Variants in CFAP299 observed in about 807,000 individuals in gnomAD.
The protein encoded by CFAP299 is cilia and flagella associated protein 299, also known as cilia- and flagella-associated protein 299.
CFAP299 carries 21 observed loss-of-function variants against 27.0 expected under a neutral mutation model. The ratio of observed to expected loss-of-function variants is 0.78; its 90% CI spans 0.55 to 1.12. The LOEUF (loss-of-function observed/expected upper bound fraction) is 1.12, where lower values mean the gene tolerates loss of function less well. Among genes scored for constraint, CFAP299 ranks in the 50% most tolerant of loss-of-function variants. The pLI, the probability that CFAP299 is intolerant of heterozygous loss-of-function variation, is 0.00. For missense variants in CFAP299, 310 were observed against 276.6 expected (o/e 1.12, Z -0.86); for synonymous variants, 104 against 98.1 (o/e 1.06, Z -0.36).
chr4:80,732,146 A>G (rs1366786843), intron 3 of CFAP299, among the ~76,000 whole-genome samples: 1 of 152,052 alleles, frequency 6.6e-6, no homozygotes, highest in Non-Finnish European at 1.5e-5. Context: ...AAAAAAGACC[A>G]ATCTGATTGG....
At chr4:80,348,485 A>G (rs1430621328) in intron 1 of CFAP299, among the ~76,000 whole-genome samples, 1 of 152,232 alleles carries the variant, frequency 6.6e-6, no homozygotes, top group Non-Finnish European at 1.5e-5. Context: ...ACATGAACAA[A>G]CACTTCTCAA....
Position 80,409,809 on chromosome 4 carries a change from G to A in CFAP299, c.242+46925G>A, listed in dbSNP as rs145802077. On this transcript the variant is annotated intron_variant, in intron 2 of 5. Coordinates refer to ENST00000358105, the MANE Select transcript of CFAP299 (RefSeq NM_152770.3). Reference sequence around the variant, plus strand: ...GAGTACAAAGCAAGACGTAGAAAGAGCACTATATTTTTGGAAAAAAAGGGC... The same window carrying A: ...GAGTACAAAGCAAGACGTAGAAAGAACACTATATTTTTGGAAAAAAAGGGC... Among the ~76,000 whole-genome samples, 939 of 152,270 alleles carry A rather than the reference G, an allele frequency of 6.2e-3. 2 individuals carry two copies. The highest frequency in any genetic ancestry group is 0.024 in the Middle Eastern group (7 of 294).
At chr4:80,746,091 A>G (rs1179030578) in intron 3 of CFAP299, among the ~76,000 whole-genome samples, 2 of 152,040 alleles carry the variant, frequency 1.3e-5, no homozygotes, top group Non-Finnish European at 2.9e-5. Flanking sequence ...TAGATAGAGA[A>G]TTGGGAATAT....
chr4:80,479,767 G>A (rs1468738825), intron 2 of CFAP299, among the ~76,000 whole-genome samples: 1 of 151,838 alleles, frequency 6.6e-6, no homozygotes, highest in Non-Finnish European at 1.5e-5. Flanking sequence ...CATTACTTTT[G>A]TCCAAGAAAC....
At chr4:80,798,982 C>T (rs1329388376) in intron 3 of CFAP299, among the ~76,000 whole-genome samples, 4 of 150,308 alleles carry the variant, frequency 2.7e-5, no homozygotes, top group African/African-American at 9.8e-5. Context: ...CCAGAAACCC[C>T]CAAAACAATA....
At chr4:80,614,727 T>C (rs1738185899) in intron 3 of CFAP299, among the ~76,000 whole-genome samples, 1 of 152,248 alleles carries the variant, frequency 6.6e-6, no homozygotes, top group African/African-American at 2.4e-5. Flanking sequence ...TCTTTCTGAA[T>C]GTGGTTACAA....
intron 2 of CFAP299, among the ~76,000 whole-genome samples, chr4:80,565,539 G>T (rs1279158479): frequency 6.6e-6 from 1 of 152,058 alleles, no homozygotes. Flanking sequence ...ATCTTAAGTT[G>T]TAGATTTCAT....
chr4:80,736,428 A>C (rs1170179633), intron 3 of CFAP299, among the ~76,000 whole-genome samples: 1 of 152,124 alleles, frequency 6.6e-6, no homozygotes, highest in East Asian at 1.9e-4. Flanking sequence ...ACAAAGGGCT[A>C]ATATCCACAT....
In CFAP299 at chr4:80,660,801, A is replaced by G. The variant is rs191922424; in HGVS notation, c.333+77618A>G. Among the ~76,000 whole-genome samples, 502 of 152,248 alleles carry G rather than the reference A, an allele frequency of 3.3e-3. 13 individuals are homozygous for G. The highest frequency in any genetic ancestry group is 5.1e-4 in the Non-Finnish European group (35 of 68,024). On this transcript the variant is annotated intron_variant, in intron 3 of 5. Transcript: ENST00000358105. ...CGATTGAGTTTGGAAACTATAAATTATTGTAGCAGCCATCCACAGTTTTGT... is the reference window on the plus strand; with the variant it reads ...CGATTGAGTTTGGAAACTATAAATTGTTGTAGCAGCCATCCACAGTTTTGT...
intron 4 of CFAP299, among the ~76,000 whole-genome samples, chr4:80,887,351 A>G (rs535917064): frequency 6.6e-6 from 1 of 152,182 alleles, no homozygotes; most frequent in South Asian, 2.1e-4. Context: ...GAAACAAACA[A>G]CATACAATGG....
At chr4:80,461,081 G>A (rs1729414579) in intron 2 of CFAP299, among the ~76,000 whole-genome samples, 1 of 152,164 alleles carries the variant, frequency 6.6e-6, no homozygotes, top group African/African-American at 2.4e-5. Context: ...GGTTGAAAGA[G>A]TTATTATCTA....
At chr4:80,582,979 T>C (rs926028030) in intron 2 of CFAP299, 114 bp from the exon 3 acceptor site, 34 of 541,504 alleles carry the variant, frequency 6.3e-5, no homozygotes, top group Admixed American at 4.6e-4. Flanking sequence ...TTTATTTATA[T>C]GGTTTTCATG....
chr4:80,562,759 G>A (rs1308680220), intron 2 of CFAP299, among the ~76,000 whole-genome samples: 1 of 150,864 alleles, frequency 6.6e-6, no homozygotes, highest in Non-Finnish European at 1.5e-5. Flanking sequence ...GTGGATGAAT[G>A]GATTAAAAAA....
intron 3 of CFAP299, among the ~76,000 whole-genome samples, chr4:80,754,083 G>A (rs921634591): frequency 6.2e-4 from 94 of 152,110 alleles, no homozygotes; most frequent in African/African-American, 2.1e-3. Flanking sequence ...TTTTGTTGTT[G>A]TGGACTGAAC....
intron 4 of CFAP299, among the ~76,000 whole-genome samples, chr4:80,908,644 T>C (rs1735305902): frequency 6.6e-6 from 1 of 152,216 alleles, no homozygotes; most frequent in African/African-American, 2.4e-5. Context: ...AAATGTTCTT[T>C]AGACATAAAT....
At chr4:80,843,253 C>G (rs1164397157) in intron 3 of CFAP299, among the ~76,000 whole-genome samples, 1 of 151,998 alleles carries the variant, frequency 6.6e-6, no homozygotes, top group Non-Finnish European at 1.5e-5. Flanking sequence ...ACAACAGGCC[C>G]CAGTGTGTGA....
In CFAP299 at chr4:80,795,750, T is replaced by C. The variant is rs188268754; in HGVS notation, c.334-74243T>C. On this transcript the variant is annotated intron_variant, in intron 3 of 5. Transcript: ENST00000358105. ...GAGTCAGAAAGCACCTAGTTCATGA[T>C]AGACAGTTCAGGTCGCATGGTGACT... Among the ~76,000 whole-genome samples the C allele has an allele frequency of 4.1e-3, 627 of 152,288 alleles. 1 individual carries two copies. Among genetic ancestry groups the C allele is most frequent in the African/African-American group, 0.014 (586 of 41,566 alleles).
At chr4:80,596,727 A>G (rs181457134) in intron 3 of CFAP299, among the ~76,000 whole-genome samples, 2 of 152,272 alleles carry the variant, frequency 1.3e-5, no homozygotes, top group East Asian at 3.9e-4. Context: ...ATACCAAATA[A>G]GCCTTACGTA....
intron 2 of CFAP299, among the ~76,000 whole-genome samples, chr4:80,484,020 CGAA>C (rs1730691681): frequency 6.6e-6 from 1 of 151,946 alleles, no homozygotes; most frequent in South Asian, 2.1e-4. Flanking sequence ...ATTTAAATAC[CGAA>C]GAAGTATTAA....
Sources: allele counts gnomAD v4.1 joint callset (sites outside exome capture counted in the v4.1 genomes callset), GRCh38; gene constraint gnomAD v4.1.1; transcripts MANE v1.5; gene names NCBI Gene and HGNC (gene_info 2026-07-23, HGNC 2026-07-21).